Variants in CACNA1C observed in about 807,000 individuals in gnomAD.
The protein encoded by CACNA1C is voltage-dependent L-type calcium channel subunit alpha-1C.
CACNA1C carries 30 observed loss-of-function variants against 229.0 expected under a neutral mutation model. That is an observed-to-expected ratio of 0.13 (90% confidence interval 0.10 to 0.18). The LOEUF (loss-of-function observed/expected upper bound fraction) is 0.18. Ranked by LOEUF, CACNA1C falls within the 10% of genes least tolerant of loss-of-function variation. The pLI is 1.00. For synonymous variants in CACNA1C, 1,114 were observed against 1,132.5 expected (o/e 0.98, Z 0.33); for missense variants, 1,658 against 2,845.0 (o/e 0.58, Z 9.49).
intron 3 of CACNA1C, among the ~76,000 whole-genome samples, chr12:2,332,864 T>C (rs1439555122): frequency 6.6e-6 from 1 of 152,234 alleles, no homozygotes; most frequent in East Asian, 1.9e-4. Context: ...GGAGTATACT[T>C]GGTAGCATTT....
At chr12:2,168,154 A>C (rs2096321164) in intron 3 of CACNA1C, among the ~76,000 whole-genome samples, 1 of 152,196 alleles carries the variant, frequency 6.6e-6, no homozygotes, top group Non-Finnish European at 1.5e-5. Flanking sequence ...CAGATCATCA[A>C]AAGCCTTCTG....
At position 2,463,039 on chromosome 12, in the gene CACNA1C, A is replaced by G. The variant is rs561585956; in HGVS notation, c.757+5333A>G. On this transcript the variant is annotated intron_variant, in intron 5 of 46. Transcript: ENST00000399655. ...GCCATTCTCCTGCTTCAGCCTCCCGAGTAGCTGGGACTATAGGCACCCGCC... is the reference window on the plus strand; with the variant it reads ...GCCATTCTCCTGCTTCAGCCTCCCGGGTAGCTGGGACTATAGGCACCCGCC... Among the ~76,000 whole-genome samples, 729 of 150,620 alleles carry G rather than the reference A, an allele frequency of 4.8e-3. 9 individuals carry two copies. The highest frequency in any genetic ancestry group is 0.016 in the African/African-American group (666 of 40,788).
rs968879157 is a variant in CACNA1C at position 2,526,067 on chromosome 12, C to T, written c.1390+13083C>T. On this transcript the variant is annotated intron_variant, in intron 9 of 46. Coordinates refer to ENST00000399655, the MANE Select transcript of CACNA1C (RefSeq NM_000719.7). Reference sequence around the variant, plus strand: ...GGGGTGAGGGTCAGGAGAAGAGGGGCAGCTGGGGAGAGAAGGGCTGGCTCA... The same window carrying T: ...GGGGTGAGGGTCAGGAGAAGAGGGGTAGCTGGGGAGAGAAGGGCTGGCTCA... Among the ~76,000 whole-genome samples the T allele has an allele frequency of 2.0e-5, 3 of 152,268 alleles. 1 individual carries two copies.
intron 3 of CACNA1C, among the ~76,000 whole-genome samples, chr12:2,404,367 G>A (rs138998834): frequency 3.3e-5 from 5 of 152,150 alleles, no homozygotes; most frequent in Admixed American, 1.3e-4. Context: ...AACATTCCAC[G>A]TGTTCCTTTC....
chr12:2,329,946 G>A (rs1429172346), intron 3 of CACNA1C, among the ~76,000 whole-genome samples: 9 of 152,162 alleles, frequency 5.9e-5, no homozygotes, highest in Admixed American at 5.2e-4. Flanking sequence ...AGCCCCAGAT[G>A]GAATAACGTT....
chr12:2,040,435 T>C (rs899670520), intron 1 of CACNA1C, among the ~76,000 whole-genome samples: 1 of 152,162 alleles, frequency 6.6e-6, no homozygotes, highest in African/African-American at 2.4e-5. Context: ...CAGAAAATGG[T>C]TACATGGATA....
intron 3 of CACNA1C, among the ~76,000 whole-genome samples, chr12:2,367,613 A>T (rs1392118475): frequency 6.6e-6 from 1 of 152,202 alleles, no homozygotes. Context: ...TAAAAGTTTA[A>T]TTAATTAATT....
intron 1 of CACNA1C, among the ~76,000 whole-genome samples, chr12:2,073,206 G>T (rs2154525183): frequency 6.6e-6 from 1 of 152,286 alleles, no homozygotes; most frequent in Admixed American, 6.5e-5. Flanking sequence ...AAAAAAACGT[G>T]GTCCAACAGA....
intron 30 of CACNA1C, among the ~76,000 whole-genome samples, chr12:2,643,968 C>T (rs1030079872): frequency 4.6e-5 from 7 of 152,126 alleles, no homozygotes; most frequent in South Asian, 2.1e-4. Context: ...GTAGTACAAG[C>T]GGAGAAGCGG....
chr12:2,502,196 T>C (rs1393757460), intron 7 of CACNA1C, among the ~76,000 whole-genome samples: 1 of 152,366 alleles, frequency 6.6e-6, no homozygotes, highest in Middle Eastern at 3.4e-3. Flanking sequence ...GGTCATTTCC[T>C]GTCTCCCCTC....
chr12:2,295,845 C>G (rs1371384937), intron 3 of CACNA1C, among the ~76,000 whole-genome samples: 4 of 152,200 alleles, frequency 2.6e-5, no homozygotes, highest in Non-Finnish European at 5.9e-5. Context: ...GCTTCTTGGC[C>G]CACACTCCCA....
intron 3 of CACNA1C, among the ~76,000 whole-genome samples, chr12:2,384,258 G>C (rs901120472): frequency 6.6e-6 from 1 of 152,182 alleles, no homozygotes; most frequent in Non-Finnish European, 1.5e-5. Context: ...TCATATTCTC[G>C]AAGATGTTTG....
At position 2,281,121 on chromosome 12, in the gene CACNA1C, C is replaced by A. The variant is rs1004670705; in HGVS notation, c.477+160691C>A. Reference sequence around the variant, plus strand: ...ATGCTCTCCCTCCCCCCGCCCCCACCCCACAACAGGCCTTAATCATCGCAG... The same window carrying A: ...ATGCTCTCCCTCCCCCCGCCCCCACACCACAACAGGCCTTAATCATCGCAG... On this transcript the variant is annotated intron_variant, in intron 3 of 46. Transcript: ENST00000399655. Among the ~76,000 whole-genome samples the A allele has an allele frequency of 6.0e-5, 8 of 133,408 alleles. No homozygotes were observed. In the South Asian group the frequency reaches 1.1e-3, roughly 18 times the overall value. The allele number at this position is 133,408 out of a possible 152,430, so 87.5% of individuals were successfully genotyped here.
chr12:2,668,206 G>C (rs1011668815), intron 37 of CACNA1C, among the ~76,000 whole-genome samples: 1 of 152,346 alleles, frequency 6.6e-6, no homozygotes. Context: ...TTTGCTGCCA[G>C]TGGAGAGCAC....
At position 2,611,933 on chromosome 12, in the gene CACNA1C, G is replaced by A. The variant is rs373930708; in HGVS notation, c.3748G>A (p.Ala1250Thr). Residue 1250 changes from alanine (A) to threonine (T), a missense_variant, in exon 29 of 47, where the codon GCC (alanine) becomes ACC (threonine). Coordinates refer to ENST00000399655, the MANE Select transcript of CACNA1C (RefSeq NM_000719.7). ...HYGQSCLFKI[A>T]MNILNMLFTG... ...CGGCCAGAGCTGCCTGTTCAAAATC[G>A]CCATGAACATCCTCAACATGCTCTT... is the stretch of plus-strand genomic sequence containing the variant. 2.1e-5 allele frequency: 34 copies of A among 1,613,252 alleles called. No individual in the cohort carries two copies. The highest frequency in any genetic ancestry group is 4.0e-5 in the African/African-American group (3 of 74,896).
At chr12:2,195,206 A>G (rs2097364274) in intron 3 of CACNA1C, among the ~76,000 whole-genome samples, 1 of 152,160 alleles carries the variant, frequency 6.6e-6, no homozygotes, top group Admixed American at 6.5e-5. Context: ...AGTCATGAGG[A>G]GTGGGTTTTA....
chr12:2,535,710 A>AAAAAAAAAAAG (rs2099852715), intron 9 of CACNA1C, among the ~76,000 whole-genome samples: 1 of 101,150 alleles, frequency 9.9e-6, no homozygotes, highest in African/African-American at 4.8e-5. Flanking sequence ...TGTCTAAAAA[A>AAAAAAAAAAAG]AAAAAAAAAA....
intron 1 of CACNA1C, among the ~76,000 whole-genome samples, chr12:2,037,944 G>A (rs1195085282): frequency 6.6e-6 from 1 of 152,162 alleles, no homozygotes; most frequent in African/African-American, 2.4e-5. Flanking sequence ...GGTGGATTTC[G>A]AGTGTATTGT....
intron 1 of CACNA1C, among the ~76,000 whole-genome samples, chr12:2,095,650 G>C (rs559096960): frequency 1.3e-5 from 2 of 152,148 alleles, no homozygotes; most frequent in Non-Finnish European, 2.9e-5. Context: ...AGGCAGGGTC[G>C]GATACCACTG....
Sources: allele counts gnomAD v4.1 joint callset (sites outside exome capture counted in the v4.1 genomes callset), GRCh38; gene constraint gnomAD v4.1.1; transcripts MANE v1.5; gene names NCBI Gene and HGNC (gene_info 2026-07-23, HGNC 2026-07-21).